POLL: variants seen among roughly 807,000 people sequenced by gnomAD.
POLL encodes the protein DNA polymerase lambda, also known as DNA polymerase beta-2.
A neutral mutation model predicts 58.1 loss-of-function variants in POLL; 44 were observed. The observed-to-expected ratio is 0.76, with a 90% confidence interval of 0.60 to 0.97. POLL has a LOEUF of 0.97. Ranked by LOEUF, POLL falls within the 50% of genes least tolerant of loss-of-function variation. The probability of loss-of-function intolerance (pLI) is 0.00; values close to 1 mark genes in which losing one functional copy is unlikely to be tolerated. For missense variants in POLL, 632 were observed against 736.8 expected, an observed-to-expected ratio of 0.86 and a Z score of 1.65; for synonymous variants, 290 against 283.2, an observed-to-expected ratio of 1.02 and a Z score of -0.24.
Position 101,580,117 on chromosome 10 carries a change from G to A in POLL, c.1363+131C>T, listed in dbSNP as rs979786069. On this transcript the variant is annotated intron_variant, in intron 8 of 8. Coordinates refer to ENST00000370162, the MANE Select transcript of POLL (RefSeq NM_001174084.2). This position sits in a 1 kb window ranked among gnomAD's most constrained non-coding sequence, Gnocchi z 4.1. ...AGGATTCCGGCCCCGATAGAGAGAT[G>A]GGATGCTGGCAAAGCACTGTTCCCC... The A allele has an allele frequency of 2.4e-6, 2 of 838,332 alleles. No individual in the cohort carries two copies. The highest frequency in any genetic ancestry group is 3.8e-6 in the Non-Finnish European group (2 of 531,430). 51.9% of individuals were successfully genotyped at this position (838,332 alleles called of 1,614,324 possible).
Position 101,586,062 on chromosome 10 carries a change from GC to G in POLL, c.209del (p.Gly70AlafsTer41). 2 of 1,614,044 alleles carry G rather than the reference GC, an allele frequency of 1.2e-6. No homozygotes were observed. The highest frequency in any genetic ancestry group is 1.7e-6 in the Non-Finnish European group (2 of 1,180,018). On this transcript the variant is annotated frameshift_variant, in exon 3 of 9. Coordinates refer to ENST00000370162, the MANE Select transcript of POLL (RefSeq NM_001174084.2). LOFTEE classifies it high-confidence loss of function. ...LFEKQIVQHG[G>X]QLCPAQGPGV... Reference sequence around the variant, plus strand: ...CTGGGCCCTGGGCAGGGCATAGCTGGCCGCCATGCTGAACAATCTGCTTCTC... The same window carrying G: ...CTGGGCCCTGGGCAGGGCATAGCTGGCGCCATGCTGAACAATCTGCTTCTC...
chr10:101,585,458 G>A lies in POLL; in HGVS notation c.431C>T (p.Pro144Leu). The change falls in exon 4 of 9, where the codon CCC (proline) becomes CTC (leucine). Residue 144 changes from proline to leucine, a missense_variant. Physicochemically the swap from Pro to Leu is moderately conservative, Grantham distance 98. Coordinates refer to ENST00000370162, the MANE Select transcript of POLL (RefSeq NM_001174084.2). ...AGAAGCATCCTGCTCTGCCTTGCTG[G>A]GCTGTGGATGGTCCAAGTACCTGTG... ...IPSRYLDHPQ[P>L]SKAEQDASIP... 2 of 1,566,414 alleles carry A rather than the reference G, an allele frequency of 1.3e-6. No homozygotes were observed. The highest frequency in any genetic ancestry group is 1.7e-6 in the Non-Finnish European group (2 of 1,157,754).
chr10:101,580,287 C>G lies in POLL; in HGVS notation c.1324G>C (p.Gly442Arg), dbSNP rs772281149. 3.1e-6 allele frequency: 5 copies of G among 1,614,014 alleles called. No homozygotes were observed. The highest frequency in any genetic ancestry group is 3.4e-6 in the Non-Finnish European group (4 of 1,179,994). The part of the protein sequence containing the change: ...ITHPDGRSHR[G>R]IFSRLLDSLR... ...CTGTCAAGGAGGCGGCTGAAGATACCCCGGTGGGACCGGCCATCTGGGTGA... is the reference window on the plus strand; with the variant it reads ...CTGTCAAGGAGGCGGCTGAAGATACGCCGGTGGGACCGGCCATCTGGGTGA... The change falls in exon 8 of 9, where the codon GGT becomes CGT. Residue 442 changes from glycine to arginine, a missense_variant. Gly to Arg is a moderately radical substitution (Grantham distance 125). Coordinates refer to ENST00000370162, the MANE Select transcript of POLL (RefSeq NM_001174084.2). This position sits in a 1 kb window ranked among gnomAD's most constrained non-coding sequence, Gnocchi z 4.1.
intron 7 of POLL, chr10:101,581,924 G>C (rs2063016153): frequency 6.6e-6 from 1 of 151,836 alleles, no homozygotes; most frequent in Non-Finnish European, 1.5e-5. Flanking sequence ...TCCCACCTCA[G>C]CCTCCCAAGA....
intron 1 of POLL, 111 bp from the exon 2 acceptor site, chr10:101,587,517 G>A (rs2134711756): frequency 6.7e-7 from 1 of 1,496,010 alleles, no homozygotes; most frequent in Non-Finnish European, 8.9e-7. Flanking sequence ...AGCGGGTCGG[G>A]GGAGGGGGTC....
At chr10:101,582,124 T>A (rs995268796) in intron 7 of POLL, 1 of 152,616 alleles carries the variant, frequency 6.6e-6, no homozygotes, top group African/African-American at 2.4e-5. Context: ...TCTCCCAATG[T>A]GCTGGGATTA....
At chr10:101,584,984 TG>T (rs904646907) in intron 4 of POLL, 65 bp from the exon 5 acceptor site, 1 of 949,814 alleles carries the variant, frequency 1.1e-6, no homozygotes, top group Non-Finnish European at 1.4e-6. Flanking sequence ...TCCTTAAAGG[TG>T]GGGGTCATCT....
Position 101,587,041 on chromosome 10 carries a change from C to T in POLL, c.115+205G>A, listed in dbSNP as rs983804306. 5.7e-6 allele frequency: 6 copies of T among 1,044,524 alleles called. No individual in the cohort carries two copies. In the East Asian group the frequency reaches 1.1e-4, roughly 19 times the overall value. 64.7% of individuals were successfully genotyped at this position (1,044,524 alleles called of 1,614,324 possible). ...GTCTTTTCTGATGGATAGAGGTCTT[C>T]GGGTAGAAAAGAAGGTAACACAGCA... On this transcript the variant is annotated intron_variant, in intron 2 of 8. Transcript: ENST00000370162.
intron 3 of POLL, 57 bp downstream of exon 3, chr10:101,585,805 A>G: frequency 7.2e-7 from 1 of 1,396,640 alleles, no homozygotes; most frequent in Non-Finnish European, 9.7e-7. Context: ...ATAATTCAAG[A>G]AAAGAGCTCA....
Position 101,580,228 on chromosome 10 carries a change from C to T in POLL, c.1363+20G>A. 1 of 1,603,148 alleles carries T rather than the reference C, an allele frequency of 6.2e-7. No individual in the cohort carries two copies. Among genetic ancestry groups the T allele is most frequent in the South Asian group, 1.1e-5 (1 of 89,378 alleles). ...GTGCTGCCCTCTGTCAACCTGCTCA[C>T]CCAGAGATGGAGCTTATACCTTCCT... On this transcript the variant is annotated intron_variant, in intron 8 of 8. Transcript: ENST00000370162. This position sits in a 1 kb window ranked among gnomAD's most constrained non-coding sequence, Gnocchi z 4.1.
Position 101,582,614 on chromosome 10 carries a change from TCTTAA to T in POLL, c.1194+144_1194+148del, listed in dbSNP as rs1005266412. The T allele has an allele frequency of 8.8e-6, 7 of 794,294 alleles. No homozygotes were observed. In the African/African-American group the frequency reaches 1.2e-4, roughly 14 times the overall value. The allele number at this position is 794,294 out of a possible 1,614,324, so 49.2% of individuals were successfully genotyped here. A position where few individuals can be genotyped will look rare whatever the true frequency, so the allele number is the denominator to read the frequency against. On this transcript the variant is annotated intron_variant, in intron 7 of 8. Transcript: ENST00000370162. ...CCCACCTCTGGGCCTGGAGCTTCAG[TCTTAA>T]CTTGCTCTGTGCTCAACCTCTGGTG...
chr10:101,587,432 GC>G, intron 1 of POLL, 26 bp from the exon 2 acceptor site: 1 of 1,604,326 alleles, frequency 6.2e-7, no homozygotes. Context: ...CAGAATTGAG[GC>G]CCTCCAACCC....
intron 5 of POLL, among the ~76,000 whole-genome samples, 198 bp downstream of exon 5, chr10:101,584,404 T>C (rs1300936593): frequency 6.6e-6 from 1 of 152,224 alleles, no homozygotes; most frequent in African/African-American, 2.4e-5. Flanking sequence ...GAGAGATCCA[T>C]ATAACCCCCA....
rs1260409028 is a variant in POLL, at chr10:101,585,944, C to A, written c.328G>T (p.Val110Leu). 6.2e-7 allele frequency: 1 copy of A among 1,613,852 alleles called. No individual in the cohort carries two copies. The highest frequency in any genetic ancestry group is 8.5e-7 in the Non-Finnish European group (1 of 1,179,890). The part of the protein sequence containing the change: ...LPQLPPGAQL[V>L]KSAWLSLCLQ... ...CACAAGCTCAGCCAGGCTGACTTCA[C>A]CAGCTGAGCACCCGGGGGCAGCTGG... The change falls in exon 3 of 9, where the codon GTG (valine) becomes TTG (leucine). Residue 110 changes from valine (V) to leucine (L), a missense_variant. Physicochemically the swap from Val to Leu is conservative, Grantham distance 32 (BLOSUM62 1). Transcript: ENST00000370162.
intron 6 of POLL, 47 bp downstream of exon 6, chr10:101,583,461 C>T (rs376406720): frequency 1.2e-6 from 2 of 1,602,632 alleles, no homozygotes; most frequent in Non-Finnish European, 8.5e-7. Context: ...GGGGCAGGAA[C>T]TCTGAGACAC....
chr10:101,585,758 G>A, intron 3 of POLL, 104 bp downstream of exon 3: 1 of 1,081,946 alleles, frequency 9.2e-7, no homozygotes, highest in Non-Finnish European at 1.3e-6. Context: ...ACCCCACCAT[G>A]CCTGGCTAAT....
Position 101,580,030 on chromosome 10 carries a change from C to G in POLL, c.1364-213G>C. 1.4e-6 allele frequency: 1 copy of G among 693,138 alleles called. No homozygotes were observed. 42.9% of individuals were successfully genotyped at this position (693,138 alleles called of 1,614,324 possible). A position where few individuals can be genotyped will look rare whatever the true frequency, so the allele number is the denominator to read the frequency against. On this transcript the variant is annotated intron_variant, in intron 8 of 8. Coordinates refer to ENST00000370162, the MANE Select transcript of POLL (RefSeq NM_001174084.2). This position sits in a 1 kb window ranked among gnomAD's most constrained non-coding sequence, Gnocchi z 4.1. Reference sequence around the variant, plus strand: ...AGAAAGATCAGATGAGATACTTGGCCTGCAGGGTTCACTGAGCACCTCCAC... The same window carrying G: ...AGAAAGATCAGATGAGATACTTGGCGTGCAGGGTTCACTGAGCACCTCCAC...
In POLL at chr10:101,583,448, T is replaced by A. The variant is rs2063115058; in HGVS notation, c.1065+60A>T. The stretch of plus-strand genomic sequence containing the variant: ...GATCTGGGGCAGAGCACAGCACACA[T>A]CTGGGGCAGGAACTCTGAGACACAG... On this transcript the variant is annotated intron_variant, in intron 6 of 8. Coordinates refer to ENST00000370162, the MANE Select transcript of POLL (RefSeq NM_001174084.2). 4 of 1,572,402 alleles carry A rather than the reference T, an allele frequency of 2.5e-6. No homozygotes were observed. In the East Asian group the frequency reaches 9.0e-5, roughly 35 times the overall value.
In POLL at chr10:101,580,471, A is replaced by G; in HGVS notation, c.1195-55T>C. ...GCTGTGCGTGGGGAGCTCCTCTCCC[A>G]CAGCAGTACAAGGGCCTTCCCAGAC... On this transcript the variant is annotated intron_variant, in intron 7 of 8. Transcript: ENST00000370162. The surrounding 1 kb of genome is among the most constrained non-coding windows in gnomAD (Gnocchi z 4.1). 1 of 1,547,164 alleles carries G rather than the reference A, an allele frequency of 6.5e-7. No homozygotes were observed. The highest frequency in any genetic ancestry group is 8.9e-7 in the Non-Finnish European group (1 of 1,127,596).
Sources: allele counts gnomAD v4.1 joint callset (sites outside exome capture counted in the v4.1 genomes callset), GRCh38; gene constraint gnomAD v4.1.1; non-coding constraint Gnocchi (gnomAD v3.1); transcripts MANE v1.5; gene names NCBI Gene and HGNC (gene_info 2026-07-23, HGNC 2026-07-21).